The following BTBD1 variants were observed in gnomAD, a reference collection of about 807,000 sequenced individuals.
The protein encoded by BTBD1 is BTB domain containing 1.
Under a neutral mutation model 48.0 loss-of-function variants are expected in BTBD1, and 34 were observed. The observed-to-expected ratio is 0.71, with a 90% CI of 0.54 to 0.94. The LOEUF (loss-of-function observed/expected upper bound fraction) is 0.94, where lower values mean the gene tolerates loss of function less well. BTBD1 is among the 40% of genes least tolerant of loss of function. The probability of loss-of-function intolerance (pLI) is 0.00; values close to 1 mark genes in which losing one functional copy is unlikely to be tolerated. For synonymous variants in BTBD1, 261 were observed against 242.1 expected (o/e 1.08, Z -0.72); for missense variants, 543 against 625.6 (o/e 0.87, Z 1.41).
intron 4 of BTBD1, among the ~76,000 whole-genome samples, chr15:83,039,998 CACACACACACACACACACGG>C (rs1057141022): frequency 4.0e-5 from 6 of 150,054 alleles, no homozygotes; most frequent in African/African-American, 1.3e-4. Context: ...CACACACACA[CACACACACACACACACACGG>C]ACACACACAC....
chr15:83,030,507 C>A, intron 4 of BTBD1, 179 bp from the exon 5 acceptor site: 1 of 570,230 alleles, frequency 1.8e-6, no homozygotes. Flanking sequence ...TGAGGTTAAA[C>A]ACATTAATTA....
chr15:83,047,044 T>C (rs891503370), intron 3 of BTBD1, among the ~76,000 whole-genome samples: 18 of 152,302 alleles, frequency 1.2e-4, no homozygotes, highest in Middle Eastern at 3.4e-3. Context: ...TCAACAAATA[T>C]CAGCTGAACA....
chr15:83,053,922 T>C (rs2033037126), intron 2 of BTBD1, among the ~76,000 whole-genome samples: 1 of 152,270 alleles, frequency 6.6e-6, no homozygotes, highest in South Asian at 2.1e-4. Context: ...TCTGCTATTA[T>C]CAGTATCACT....
chr15:83,044,815 T>G, intron 3 of BTBD1: 1 of 1,146,424 alleles, frequency 8.7e-7, no homozygotes. Flanking sequence ...AATAGAATGA[T>G]CAAGCTCAGT....
At chr15:83,018,436 G>A (rs1240286091) in intron 7 of BTBD1, among the ~76,000 whole-genome samples, 3 of 152,190 alleles carry the variant, frequency 2.0e-5, no homozygotes, top group East Asian at 1.9e-4. Flanking sequence ...AGAGAATAGT[G>A]AAAAGATTTT....
At chr15:83,063,223 G>A (rs1344384046) in intron 1 of BTBD1, among the ~76,000 whole-genome samples, 1 of 152,128 alleles carries the variant, frequency 6.6e-6, no homozygotes, top group East Asian at 1.9e-4. Context: ...AGATTCCAGA[G>A]CTCATCCTTG....
rs1370951388 is a variant in BTBD1 at position 83,052,700 on chromosome 15, G to A, written c.559-2522C>T. ...GGCTGGAGTGCAGTGGCGTGATCTCGGCTCATTGCAAGCTCTGCCTCCCGG... is the reference window on the plus strand; with the variant it reads ...GGCTGGAGTGCAGTGGCGTGATCTCAGCTCATTGCAAGCTCTGCCTCCCGG... On this transcript the variant is annotated intron_variant, in intron 2 of 7. Coordinates refer to ENST00000261721, the MANE Select transcript of BTBD1 (RefSeq NM_025238.4). 4.1e-5 allele frequency among the ~76,000 whole-genome samples: 6 copies of A among 148,014 alleles called. No individual in the cohort carries two copies. In the East Asian group the frequency reaches 5.9e-4, roughly 15 times the overall value.
intron 4 of BTBD1, among the ~76,000 whole-genome samples, chr15:83,039,913 CAT>C (rs1450702604): frequency 2.6e-5 from 4 of 151,794 alleles, no homozygotes; most frequent in Non-Finnish European, 4.4e-5. Flanking sequence ...CACATGCACT[CAT>C]ATGTTCATCA....
chr15:83,066,723 G>A (rs950595534), intron 1 of BTBD1, 28 bp downstream of exon 1: 2 of 1,276,392 alleles, frequency 1.6e-6, no homozygotes, highest in East Asian at 3.2e-5. Flanking sequence ...GCCCGGCCCG[G>A]CCCGGCCCGG....
intron 1 of BTBD1, among the ~76,000 whole-genome samples, chr15:83,066,278 C>A (rs1004668957): frequency 6.6e-6 from 1 of 151,948 alleles, no homozygotes; most frequent in Admixed American, 6.6e-5. Context: ...CCAGCCTGGG[C>A]AACAGAGCAA....
At chr15:83,034,726 TAAAATAAAGAAG>T (rs1274203356) in intron 4 of BTBD1, among the ~76,000 whole-genome samples, 4 of 152,084 alleles carry the variant, frequency 2.6e-5, no homozygotes, top group African/African-American at 9.6e-5. Flanking sequence ...TGAAGGTACC[TAAAATAAAGAAG>T]AAAATAAAGA....
chr15:83,020,045 C>T (rs1596419566), intron 6 of BTBD1: 1 of 144,176 alleles, frequency 6.9e-6, no homozygotes, highest in South Asian at 2.2e-4. Context: ...GAGGCCAAGG[C>T]AGGAAGATCA....
intron 4 of BTBD1, among the ~76,000 whole-genome samples, chr15:83,039,307 C>T (rs2032693228): frequency 6.6e-6 from 1 of 152,006 alleles, no homozygotes; most frequent in Admixed American, 6.6e-5. Context: ...CAGAGAAATG[C>T]AAATCCAAAC....
At chr15:83,045,549 A>G (rs886589211) in intron 3 of BTBD1, among the ~76,000 whole-genome samples, 6 of 152,314 alleles carry the variant, frequency 3.9e-5, no homozygotes, top group Admixed American at 1.3e-4. Flanking sequence ...TGGTCTACAC[A>G]TGCTAAGAGC....
chr15:83,032,418 G>C (rs1270950402), intron 4 of BTBD1, among the ~76,000 whole-genome samples: 1 of 151,908 alleles, frequency 6.6e-6, no homozygotes, highest in East Asian at 1.9e-4. Context: ...ACATGAAAAA[G>C]ATACTTGCAC....
At chr15:83,052,630 GA>G (rs1325102877) in intron 2 of BTBD1, among the ~76,000 whole-genome samples, 1 of 131,924 alleles carries the variant, frequency 7.6e-6, no homozygotes, top group Admixed American at 7.9e-5. Context: ...AATATCAACA[GA>G]TTTTTTTTTT....
chr15:83,056,662 T>C (rs2033089451), intron 1 of BTBD1, 117 bp from the exon 2 acceptor site: 7 of 849,276 alleles, frequency 8.2e-6, no homozygotes, highest in Non-Finnish European at 1.2e-5. Context: ...TTTTCATCCA[T>C]CCATCCACCC....
At chr15:83,028,413 T>C (rs2032452887) in intron 5 of BTBD1, among the ~76,000 whole-genome samples, 1 of 152,188 alleles carries the variant, frequency 6.6e-6, no homozygotes, top group East Asian at 1.9e-4. Flanking sequence ...GGTCATACAG[T>C]GTTATTCTTC....
At chr15:83,050,037 C>T in intron 3 of BTBD1, 36 bp downstream of exon 3, 1 of 1,359,980 alleles carries the variant, frequency 7.4e-7, no homozygotes, top group Non-Finnish European at 1.0e-6. Flanking sequence ...ATTAACTGTA[C>T]TTAAAATGTA....
Sources: gnomAD v4.1 joint callset for allele counts (sites outside exome capture counted in the v4.1 genomes callset) on GRCh38, gnomAD v4.1.1 for gene constraint, MANE v1.5 for transcripts, NCBI Gene and HGNC (gene_info 2026-07-23, HGNC 2026-07-21) for gene names.